UBTD1: variants seen among roughly 807,000 people sequenced by gnomAD.
The protein encoded by UBTD1 is ubiquitin domain-containing protein 1.
UBTD1 carries 19 observed loss-of-function variants against 21.7 expected under a neutral mutation model. The ratio of observed to expected loss-of-function variants is 0.87; its 90% CI spans 0.61 to 1.28. UBTD1 has a LOEUF of 1.28. Among genes scored for constraint, UBTD1 ranks in the 50% most tolerant of loss-of-function variants. The probability of loss-of-function intolerance (pLI) is 0.00; values close to 1 mark genes in which losing one functional copy is unlikely to be tolerated. For synonymous variants in UBTD1, 116 were observed against 135.1 expected (o/e 0.86, Z 0.98); for missense variants, 282 against 315.1 (o/e 0.89, Z 0.80).
intron 1 of UBTD1, among the ~76,000 whole-genome samples, chr10:97,546,406 T>C (rs1288534509): frequency 1.3e-5 from 2 of 151,862 alleles, no homozygotes; most frequent in African/African-American, 4.8e-5. Context: ...CTGGCCAACA[T>C]AGTGCAACCT....
At chr10:97,544,678 A>G (rs1447446125) in intron 1 of UBTD1, among the ~76,000 whole-genome samples, 1 of 152,174 alleles carries the variant, frequency 6.6e-6, no homozygotes, top group African/African-American at 2.4e-5. Context: ...AAAGTAAGCT[A>G]GAGAAAAAAA....
intron 1 of UBTD1, among the ~76,000 whole-genome samples, chr10:97,518,946 ACAG>A (rs1589870059): frequency 1.3e-5 from 2 of 152,224 alleles, no homozygotes; most frequent in Admixed American, 1.3e-4. Flanking sequence ...TCATCCTCTC[ACAG>A]CAGGGAACAC....
At chr10:97,558,684 G>A (rs759160333) in intron 1 of UBTD1, among the ~76,000 whole-genome samples, 6 of 151,642 alleles carry the variant, frequency 4.0e-5, no homozygotes, top group Non-Finnish European at 7.4e-5. Flanking sequence ...GCTGTTGGGT[G>A]TAATAGATGT....
At position 97,570,503 on chromosome 10, in the gene UBTD1, C is replaced by G. The variant is rs756481767; in HGVS notation, c.664C>G (p.Pro222Ala). ...TGTCATCCAGGTCATCATCAACCAG[C>G]CCCCACCACCCCAGGACTGATGGGC... ...DFVIQVIINQ[P>A]PPPQD Residue 222 changes from proline to alanine, a missense_variant, in exon 3 of 3, where the codon CCC becomes GCC. Coordinates refer to ENST00000370664, the MANE Select transcript of UBTD1 (RefSeq NM_024954.5). This position sits in a 1 kb window ranked among gnomAD's most constrained non-coding sequence, Gnocchi z 6.6. 1.9e-6 allele frequency: 3 copies of G among 1,607,668 alleles called. No individual in the cohort carries two copies. The African/African-American group carries it at 4.0e-5, about 21-fold the overall frequency.
rs1307892351 is a variant in UBTD1, at chr10:97,528,693, CGG to C, written c.70+29421_70+29422del. The stretch of plus-strand genomic sequence containing the variant: ...GGGCTGACCCCCCCCACCTCCCTCC[CGG>C]ACGGGGCGGCTGGCCGGGCGGGGGG... On this transcript the variant is annotated intron_variant, in intron 1 of 2. Transcript: ENST00000370664. 6.2e-4 allele frequency among the ~76,000 whole-genome samples: 35 copies of C among 56,242 alleles called. 2 individuals carry two copies. The highest frequency in any genetic ancestry group is 3.1e-3 in the East Asian group (5 of 1,606). 36.9% of individuals were successfully genotyped at this position (56,242 alleles called of 152,430 possible).
intron 1 of UBTD1, among the ~76,000 whole-genome samples, chr10:97,518,208 G>A (rs2040452631): frequency 6.6e-6 from 1 of 152,174 alleles, no homozygotes; most frequent in Admixed American, 6.5e-5. Flanking sequence ...GCATCTTGGG[G>A]CCCACAGAGC....
intron 1 of UBTD1, among the ~76,000 whole-genome samples, chr10:97,547,117 GCA>G (rs1434183975): frequency 1.3e-5 from 2 of 152,202 alleles, no homozygotes; most frequent in African/African-American, 4.8e-5. Context: ...AGCGCTCGTG[GCA>G]GTTGACACCC....
intron 1 of UBTD1, among the ~76,000 whole-genome samples, chr10:97,501,574 CAG>C (rs2040376619): frequency 6.6e-6 from 1 of 152,080 alleles, no homozygotes. Flanking sequence ...GCCTGGGTGA[CAG>C]AGCGAGACTC....
At chr10:97,505,434 T>C (rs2040394258) in intron 1 of UBTD1, among the ~76,000 whole-genome samples, 1 of 152,164 alleles carries the variant, frequency 6.6e-6, no homozygotes, top group African/African-American at 2.4e-5. Context: ...CTTTCTTGAG[T>C]GGTAATCTTG....
At chr10:97,499,630 T>TGA (rs1173956824) in intron 1 of UBTD1, among the ~76,000 whole-genome samples, 1 of 152,012 alleles carries the variant, frequency 6.6e-6, no homozygotes, top group East Asian at 1.9e-4. Context: ...CGCCGGCCCG[T>TGA]CGGGGCACGG....
intron 1 of UBTD1, among the ~76,000 whole-genome samples, chr10:97,518,221 G>T (rs1466257216): frequency 1.3e-5 from 2 of 152,186 alleles, no homozygotes; most frequent in African/African-American, 2.4e-5. Flanking sequence ...CACAGAGCTG[G>T]GGGAAGCAGA....
intron 1 of UBTD1, among the ~76,000 whole-genome samples, chr10:97,505,021 C>T (rs979694911): frequency 1.3e-5 from 2 of 152,140 alleles, no homozygotes; most frequent in Admixed American, 1.3e-4. Flanking sequence ...TTTATGTGTG[C>T]ACCTATGTCA....
intron 1 of UBTD1, among the ~76,000 whole-genome samples, chr10:97,538,135 T>A (rs935223503): frequency 2.0e-5 from 3 of 152,204 alleles, no homozygotes; most frequent in East Asian, 1.9e-4. Flanking sequence ...CCCAACAGAC[T>A]TTCCACATAC....
chr10:97,554,195 C>A (rs1032973372), intron 1 of UBTD1, among the ~76,000 whole-genome samples: 1 of 151,358 alleles, frequency 6.6e-6, no homozygotes, highest in Non-Finnish European at 1.5e-5. Context: ...AGCAACCTCA[C>A]TTGTTGGGCA....
intron 1 of UBTD1, among the ~76,000 whole-genome samples, chr10:97,540,818 T>A (rs1054737375): frequency 5.3e-5 from 8 of 152,212 alleles, no homozygotes; most frequent in African/African-American, 1.9e-4. Flanking sequence ...CAGCCTGGCA[T>A]GGAGGCAGAC....
intron 1 of UBTD1, among the ~76,000 whole-genome samples, chr10:97,527,079 G>A (rs1000148982): frequency 1.4e-5 from 2 of 141,476 alleles, no homozygotes; most frequent in Admixed American, 7.6e-5. Flanking sequence ...GCTGAGGCAT[G>A]AGAATTGCTT....
chr10:97,538,999 G>A (rs1237975533), intron 1 of UBTD1, among the ~76,000 whole-genome samples: 1 of 152,202 alleles, frequency 6.6e-6, no homozygotes, highest in Non-Finnish European at 1.5e-5. Flanking sequence ...CAGATCACAT[G>A]GTGCATTAGG....
intron 1 of UBTD1, among the ~76,000 whole-genome samples, chr10:97,509,234 G>C (rs2040411638): frequency 6.6e-6 from 1 of 152,232 alleles, no homozygotes; most frequent in South Asian, 2.1e-4. Context: ...GACTTGGTGA[G>C]GATGTTAAGA....
chr10:97,535,793 C>A (rs2135672236), intron 1 of UBTD1, among the ~76,000 whole-genome samples: 1 of 151,790 alleles, frequency 6.6e-6, no homozygotes, highest in East Asian at 1.9e-4. Context: ...TGGTGCACTC[C>A]TGTAGTCCTA....
Sources: gnomAD v4.1 joint callset for allele counts (sites outside exome capture counted in the v4.1 genomes callset) on GRCh38, gnomAD v4.1.1 for gene constraint, Gnocchi (gnomAD v3.1) non-coding constraint, MANE v1.5 for transcripts, NCBI Gene and HGNC (gene_info 2026-07-23, HGNC 2026-07-21) for gene names.